The following RERE variants were observed in gnomAD, a reference collection of about 807,000 sequenced individuals.
RERE encodes arginine-glutamic acid dipeptide repeats, also known as arginine-glutamic acid dipeptide repeats protein.
In RERE, 40 loss-of-function variants were observed where a neutral mutation model predicts 146.1. That is an observed-to-expected ratio of 0.27 (90% CI 0.21 to 0.36). The LOEUF is 0.36. Ranked by LOEUF, RERE falls within the 10% of genes least tolerant of loss-of-function variation. The pLI is 1.00. For missense variants in RERE, 1,933 were observed against 2,138.7 expected (o/e 0.90, Z 1.90); for synonymous variants, 1,003 against 866.0 (o/e 1.16, Z -2.78).
At chr1:8,443,231 G>A (rs566139920) in intron 11 of RERE, among the ~76,000 whole-genome samples, 80 of 152,214 alleles carry the variant, frequency 5.3e-4, no homozygotes, top group Admixed American at 7.8e-4. Context: ...GAGAGGCCGC[G>A]GCGGGTGGAT....
At chr1:8,600,035 G>A (rs2124133781) in intron 4 of RERE, among the ~76,000 whole-genome samples, 1 of 152,318 alleles carries the variant, frequency 6.6e-6, no homozygotes, top group South Asian at 2.1e-4. Context: ...GAGATAAATG[G>A]ATCACGGCGG....
In RERE at chr1:8,817,614, A is replaced by T. The variant is rs1251031589; in HGVS notation, c.-599T>A. On this transcript the variant is annotated 5_prime_UTR_variant, in exon 1 of 23. Transcript: ENST00000400908. ...GTGCGGGAGGCTGAGGAGGCTCCGG[A>T]GCGCGGAGGGTTGCTCGCGAGCGTC... The T allele has an allele frequency of 1.3e-5, 2 of 150,676 alleles. No individual in the cohort carries two copies. Among genetic ancestry groups the T allele is most frequent in the Non-Finnish European group, 3.0e-5 (2 of 67,630 alleles). 9.3% of individuals were successfully genotyped at this position (150,676 alleles called of 1,614,324 possible). A position where few individuals can be genotyped will look rare whatever the true frequency, so the allele number is the denominator to read the frequency against.
At chr1:8,592,019 A>G (rs973087415) in intron 4 of RERE, among the ~76,000 whole-genome samples, 1 of 152,282 alleles carries the variant, frequency 6.6e-6, no homozygotes, top group Admixed American at 6.5e-5. Flanking sequence ...AGATTTTTAT[A>G]GAAGGAAAAA....
intron 1 of RERE, among the ~76,000 whole-genome samples, chr1:8,778,818 A>C (rs930051177): frequency 6.6e-6 from 1 of 152,072 alleles, no homozygotes; most frequent in Non-Finnish European, 1.5e-5. Flanking sequence ...TCTCCCAAAA[A>C]AAAAAAAGAA....
At chr1:8,791,628 A>C (rs1422483375) in intron 1 of RERE, among the ~76,000 whole-genome samples, 1 of 152,222 alleles carries the variant, frequency 6.6e-6, no homozygotes, top group Non-Finnish European at 1.5e-5. Flanking sequence ...GTTACATTTC[A>C]CTTACTAAGC....
At chr1:8,502,305 G>A (rs111666857) in intron 8 of RERE, among the ~76,000 whole-genome samples, 1 of 115,578 alleles carries the variant, frequency 8.7e-6, no homozygotes, top group Non-Finnish European at 1.8e-5. Flanking sequence ...GAGCCCCTCT[G>A]CCTGGCGAGC....
At chr1:8,594,380 G>A (rs1333810776) in intron 4 of RERE, among the ~76,000 whole-genome samples, 2 of 152,146 alleles carry the variant, frequency 1.3e-5, no homozygotes, top group East Asian at 1.9e-4. Context: ...TACATAAAAT[G>A]TGTATGCCAC....
chr1:8,595,833 G>T (rs758496505), intron 4 of RERE, among the ~76,000 whole-genome samples: 1 of 152,056 alleles, frequency 6.6e-6, no homozygotes, highest in Non-Finnish European at 1.5e-5. Flanking sequence ...AAATAATATA[G>T]GAAAGAAGAA....
chr1:8,511,779 CTTTTTTTTTT>C (rs775118842), intron 7 of RERE: 1 of 141,254 alleles, frequency 7.1e-6, no homozygotes, highest in Non-Finnish European at 1.6e-5. Context: ...TTTTCTTTTT[CTTTTTTTTTT>C]TTTTATCCTG....
intron 7 of RERE, among the ~76,000 whole-genome samples, chr1:8,519,986 C>T (rs955928155): frequency 6.6e-6 from 1 of 152,150 alleles, no homozygotes; most frequent in Non-Finnish European, 1.5e-5. Context: ...AGAAAGCCAG[C>T]CCTCCAAGCA....
chr1:8,574,737 A>AT (rs1646269166), intron 4 of RERE, among the ~76,000 whole-genome samples: 1 of 152,160 alleles, frequency 6.6e-6, no homozygotes, highest in African/African-American at 2.4e-5. Flanking sequence ...GACATAACTA[A>AT]TCTGTGATGG....
Position 8,656,120 on chromosome 1 carries a change from C to T in RERE, c.178G>A (p.Asp60Asn). ...YAESDHSEDE[D>N]NDNNSATAEE... ...GCGGTGGCACTATTGTTGTCATTGT[C>T]CTCGTCTTCACTGTGATCACTCTCA... Residue 60 changes from aspartate to asparagine, a missense_variant, in exon 2 of 23, where the codon GAC becomes AAC. Around this residue, in one of 11 missense-constraint regions of RERE, gnomAD observed 107 missense variants for 119.7 expected, o/e 0.89. Coordinates refer to ENST00000400908, the MANE Select transcript of RERE (RefSeq NM_001042681.2). 1 of 1,613,990 alleles carries T rather than the reference C, an allele frequency of 6.2e-7. No homozygotes were observed.
At chr1:8,796,883 A>G (rs143800101) in intron 1 of RERE, among the ~76,000 whole-genome samples, 1 of 152,318 alleles carries the variant, frequency 6.6e-6, no homozygotes, top group African/African-American at 2.4e-5. Flanking sequence ...TTCCATCAAA[A>G]TCAACAGAAA....
At chr1:8,600,750 C>CTTTTT (rs59816060) in intron 4 of RERE, among the ~76,000 whole-genome samples, 3 of 113,446 alleles carry the variant, frequency 2.6e-5, no homozygotes, top group African/African-American at 1.1e-4. Flanking sequence ...CAAGCCAATA[C>CTTTTT]TTTTTTTTTT....
At chr1:8,632,035 CA>C (rs1343836963) in intron 2 of RERE, among the ~76,000 whole-genome samples, 5 of 152,086 alleles carry the variant, frequency 3.3e-5, no homozygotes, top group African/African-American at 7.2e-5. Context: ...TCCCCTCCCC[CA>C]AAAAAACTAT....
chr1:8,673,923 CTCT>C (rs1457925362), intron 1 of RERE, among the ~76,000 whole-genome samples: 3 of 152,106 alleles, frequency 2.0e-5, no homozygotes, highest in African/African-American at 7.2e-5. Flanking sequence ...ATCCCAGCTA[CTCT>C]AGAGGCTGAG....
chr1:8,788,658 C>T (rs1330808468), intron 1 of RERE, among the ~76,000 whole-genome samples: 1 of 124,522 alleles, frequency 8.0e-6, no homozygotes, highest in East Asian at 2.5e-4. Flanking sequence ...CCACTGCGCC[C>T]AGCCAGTGTT....
chr1:8,402,992 G>A (rs774434091), intron 12 of RERE, among the ~76,000 whole-genome samples: 10 of 152,112 alleles, frequency 6.6e-5, no homozygotes, highest in East Asian at 1.9e-4. Flanking sequence ...TCTGCCTCCC[G>A]GGTTCAAGTG....
At chr1:8,622,822 C>T (rs1441598881) in intron 3 of RERE, among the ~76,000 whole-genome samples, 1 of 151,390 alleles carries the variant, frequency 6.6e-6, no homozygotes, top group Non-Finnish European at 1.5e-5. Flanking sequence ...GGTACTTGGG[C>T]CATTAAAAAT....
Sources: allele counts gnomAD v4.1 joint callset (sites outside exome capture counted in the v4.1 genomes callset), GRCh38; gene constraint gnomAD v4.1.1; regional missense constraint gnomAD v4.1.1; transcripts MANE v1.5; gene names NCBI Gene and HGNC (gene_info 2026-07-23, HGNC 2026-07-21).